Variants in PPP2R2B observed in about 807,000 individuals in gnomAD.
PPP2R2B encodes serine/threonine-protein phosphatase 2A 55 kDa regulatory subunit B beta isoform.
PPP2R2B carries 5 observed loss-of-function variants against 46.0 expected under a neutral mutation model. The ratio of observed to expected loss-of-function variants is 0.11; its 90% CI spans 0.06 to 0.23. The LOEUF (loss-of-function observed/expected upper bound fraction) is 0.23. Among genes scored for constraint, PPP2R2B ranks in the 10% least tolerant of loss-of-function variants. PPP2R2B has a pLI of 1.00. For synonymous variants in PPP2R2B, 215 were observed against 206.7 expected (o/e 1.04, Z -0.34); for missense variants, 367 against 575.0 (o/e 0.64, Z 3.70).
upstream of PPP2R2B, among the ~76,000 whole-genome samples, chr5:147,060,876 A>G (rs953626156): frequency 1.8e-4 from 28 of 152,188 alleles, no homozygotes; most frequent in African/African-American, 6.8e-4. Flanking sequence ...TTCTGAGATC[A>G]AAGTTTGCTG....
intron 2 of PPP2R2B, among the ~76,000 whole-genome samples, chr5:146,709,437 C>G (rs1006707194): frequency 6.6e-6 from 1 of 152,152 alleles, no homozygotes; most frequent in Admixed American, 6.5e-5. Flanking sequence ...GCTGGAAAAC[C>G]CACATACTTG....
chr5:146,999,732 G>T (rs1362795373), intron 1 of PPP2R2B, among the ~76,000 whole-genome samples: 1 of 152,198 alleles, frequency 6.6e-6, no homozygotes, highest in East Asian at 1.9e-4. Flanking sequence ...CACTTGGTCA[G>T]TTGAATGGGT....
chr5:146,778,659 G>C (rs1430997501), intron 2 of PPP2R2B, among the ~76,000 whole-genome samples: 1 of 152,148 alleles, frequency 6.6e-6, no homozygotes, highest in Non-Finnish European at 1.5e-5. Flanking sequence ...GTTATCATGA[G>C]TTTTTGATAA....
chr5:146,952,177 CCCTT>C (rs1214788132), intron 1 of PPP2R2B, among the ~76,000 whole-genome samples: 1 of 151,966 alleles, frequency 6.6e-6, no homozygotes. Context: ...GAATAACTCT[CCCTT>C]TCTTTCTTGC....
chr5:146,733,195 A>G (rs541219609), intron 2 of PPP2R2B, among the ~76,000 whole-genome samples: 42 of 152,320 alleles, frequency 2.8e-4, no homozygotes, highest in African/African-American at 9.6e-4. Context: ...TAAATATGCA[A>G]GTAACCCACT....
intron 6 of PPP2R2B, among the ~76,000 whole-genome samples, chr5:146,642,697 T>C (rs577637893): frequency 1.3e-5 from 2 of 152,322 alleles, no homozygotes; most frequent in East Asian, 3.9e-4. Flanking sequence ...GAATGGTTTT[T>C]CTTTTGATTT....
chr5:146,698,008 T>G lies in PPP2R2B; in HGVS notation c.305A>C (p.Asn102Thr). The G allele has an allele frequency of 6.2e-7, 1 of 1,612,902 alleles. No homozygotes were observed. ...INKIRWLPQQ[N>T]AAYFLLSTND... ...AGTAGACAGAAGAAAGTAAGCTGCA[T>G]TCTGCTGGGGGAGCCATCTTATTTT... Residue 102 changes from asparagine to threonine, a missense_variant, in exon 4 of 10, where the codon AAT becomes ACT. Physicochemically the swap from Asn to Thr is moderately conservative, Grantham distance 65. Transcript: ENST00000394411.
At chr5:147,033,842 T>C (rs949938259) in intron 1 of PPP2R2B, among the ~76,000 whole-genome samples, 1 of 152,156 alleles carries the variant, frequency 6.6e-6, no homozygotes. Context: ...CTGTCCTTTC[T>C]TGTCCACTGT....
At position 146,897,927 on chromosome 5, in the gene PPP2R2B, C is replaced by T. The variant is rs187436012; in HGVS notation, c.79+157738G>A. 4.3e-3 allele frequency among the ~76,000 whole-genome samples: 658 copies of T among 152,290 alleles called. 5 individuals are homozygous for T. Among genetic ancestry groups the T allele is most frequent in the Admixed American group, 7.8e-3 (120 of 15,292 alleles). On this transcript the variant is annotated intron_variant, in intron 1 of 8. Coordinates refer to the PPP2R2B transcript ENST00000336640. The stretch of plus-strand genomic sequence containing the variant: ...AGGAAAGGCCAGGCGCAGTGGCTCA[C>T]GCCTGTAATCCCAGCACTTTGGGAG...
chr5:146,946,227 C>T (rs1054150825), intron 1 of PPP2R2B, among the ~76,000 whole-genome samples: 2 of 152,122 alleles, frequency 1.3e-5, no homozygotes, highest in African/African-American at 4.8e-5. Context: ...CAGCAATCAA[C>T]TTGAAGCAGT....
At chr5:147,016,631 A>G (rs1044436237) in intron 1 of PPP2R2B, among the ~76,000 whole-genome samples, 2 of 151,848 alleles carry the variant, frequency 1.3e-5, no homozygotes, top group South Asian at 2.1e-4. Flanking sequence ...CTAGGGTGCT[A>G]TGGGAACACA....
At chr5:146,931,711 A>G (rs994700027) in intron 1 of PPP2R2B, among the ~76,000 whole-genome samples, 4 of 152,174 alleles carry the variant, frequency 2.6e-5, no homozygotes, top group African/African-American at 7.2e-5. Context: ...AAGGACTGAA[A>G]TTGTCCAAAG....
chr5:146,625,332 T>C (rs1010935640), intron 7 of PPP2R2B, among the ~76,000 whole-genome samples: 1 of 152,234 alleles, frequency 6.6e-6, no homozygotes, highest in African/African-American at 2.4e-5. Flanking sequence ...GTGTGTGTAA[T>C]GTATTCTTAA....
intron 7 of PPP2R2B, among the ~76,000 whole-genome samples, chr5:146,608,790 C>T (rs1772554445): frequency 2.0e-5 from 3 of 152,182 alleles, no homozygotes; most frequent in Non-Finnish European, 4.4e-5. Flanking sequence ...GTCTCAAAAA[C>T]AAACAAGACA....
At chr5:146,996,451 G>A (rs1337476138) in intron 1 of PPP2R2B, among the ~76,000 whole-genome samples, 1 of 152,228 alleles carries the variant, frequency 6.6e-6, no homozygotes, top group East Asian at 1.9e-4. Context: ...AGAGCAAGGT[G>A]GATTTAGGGA....
At position 146,586,642 on chromosome 5, in the gene PPP2R2B, C is replaced by T. The variant is rs1177287283; in HGVS notation, c.*3305G>A. On this transcript the variant is annotated 3_prime_UTR_variant, in exon 10 of 10. Transcript: ENST00000394411. ...TCTTTATTCCACCTTGCAATTGTTC[C>T]ATCTTATATATGCTGGTTGCCTAAT... 6.6e-6 allele frequency: 1 copy of T among 152,118 alleles called. No individual in the cohort carries two copies. The highest frequency in any genetic ancestry group is 1.5e-5 in the Non-Finnish European group (1 of 68,012). 9.4% of individuals were successfully genotyped at this position (152,118 alleles called of 1,614,324 possible).
chr5:146,805,093 G>A (rs1757095872), intron 2 of PPP2R2B, among the ~76,000 whole-genome samples: 1 of 152,194 alleles, frequency 6.6e-6, no homozygotes, highest in Non-Finnish European at 1.5e-5. Context: ...TTATTGCAAG[G>A]AGAAGGATTT....
chr5:146,655,559 C>T (rs1388553488), intron 5 of PPP2R2B, among the ~76,000 whole-genome samples: 3 of 152,170 alleles, frequency 2.0e-5, no homozygotes, highest in Admixed American at 1.3e-4. Flanking sequence ...ATGTTACAAT[C>T]CCTATTGCAC....
intron 5 of PPP2R2B, among the ~76,000 whole-genome samples, chr5:146,664,394 A>G (rs1326476657): frequency 6.6e-6 from 1 of 152,132 alleles, no homozygotes; most frequent in Non-Finnish European, 1.5e-5. Flanking sequence ...TCTTCATCAG[A>G]GTAGATCCCA....
Sources: gnomAD v4.1 joint callset for allele counts (sites outside exome capture counted in the v4.1 genomes callset) on GRCh38, gnomAD v4.1.1 for gene constraint, MANE v1.5 for transcripts, NCBI Gene and HGNC (gene_info 2026-07-23, HGNC 2026-07-21) for gene names.